The following PUS7 variants were observed in gnomAD, a reference collection of about 807,000 sequenced individuals.
PUS7 encodes pseudouridine synthase 7.
PUS7 carries 48 observed loss-of-function variants against 79.8 expected under a neutral mutation model. The ratio of observed to expected loss-of-function variants is 0.60; its 90% CI spans 0.48 to 0.76. The LOEUF is 0.76. PUS7 is among the 30% of genes least tolerant of loss of function. The pLI is 0.00. For missense variants in PUS7, 729 were observed against 797.6 expected (o/e 0.91, Z 1.04); for synonymous variants, 286 against 272.2 (o/e 1.05, Z -0.50).
chr7:105,505,200 G>C (rs1278071972), intron 4 of PUS7, among the ~76,000 whole-genome samples: 2 of 151,776 alleles, frequency 1.3e-5, no homozygotes, highest in East Asian at 1.9e-4. Flanking sequence ...ACGGGATTTC[G>C]CCATGTTGGC....
chr7:105,495,063 C>T (rs1824953481), intron 6 of PUS7, 79 bp downstream of exon 6: 5 of 765,280 alleles, frequency 6.5e-6, no homozygotes, highest in Non-Finnish European at 1.1e-5. Flanking sequence ...TCCTCCTGCT[C>T]CTTTTTCCAT....
chr7:105,506,145 T>TC (rs1238034148), intron 3 of PUS7, 44 bp downstream of exon 3: 33 of 1,134,740 alleles, frequency 2.9e-5, no homozygotes, highest in Non-Finnish European at 3.8e-5. Flanking sequence ...TAGGAAATGC[T>TC]ATTTTTATAC....
At chr7:105,471,077 T>C (rs1823855969) in intron 10 of PUS7, among the ~76,000 whole-genome samples, 2 of 152,226 alleles carry the variant, frequency 1.3e-5, no homozygotes, top group South Asian at 4.1e-4. Context: ...GTAAAAGCTA[T>C]TTAACTGTTC....
chr7:105,466,525 T>C (rs1823649517), intron 12 of PUS7, among the ~76,000 whole-genome samples: 1 of 152,052 alleles, frequency 6.6e-6, no homozygotes, highest in Non-Finnish European at 1.5e-5. Context: ...AGTACTGGGA[T>C]TACGGGTGTG....
chr7:105,468,310 G>C (rs1284754137), intron 12 of PUS7, 27 bp downstream of exon 12: 1 of 1,603,822 alleles, frequency 6.2e-7, no homozygotes, highest in Non-Finnish European at 8.5e-7. Context: ...TAGCTTAGCT[G>C]AGTAACAAAG....
chr7:105,513,600 G>A lies in PUS7; in HGVS notation c.-32-5056C>T, dbSNP rs568939861. On this transcript the variant is annotated intron_variant, in intron 1 of 15. Coordinates refer to ENST00000469408, the MANE Select transcript of PUS7 (RefSeq NM_019042.5). ...TTTGGGAGGCCAAGGCAGGTGGATC[G>A]CCAAGGCAGGCCGGATCACGAAGTC... is the stretch of plus-strand genomic sequence containing the variant. 2.0e-3 allele frequency among the ~76,000 whole-genome samples: 296 copies of A among 146,960 alleles called. 1 individual carries two copies. The highest frequency in any genetic ancestry group is 6.8e-3 in the African/African-American group (281 of 41,098).
intron 4 of PUS7, among the ~76,000 whole-genome samples, chr7:105,503,845 C>T (rs1008251886): frequency 6.6e-6 from 1 of 152,144 alleles, no homozygotes; most frequent in African/African-American, 2.4e-5. Flanking sequence ...GTTGCCCAGG[C>T]TGGTCTCGAT....
intron 4 of PUS7, among the ~76,000 whole-genome samples, chr7:105,502,994 C>T (rs1376266236): frequency 6.6e-6 from 1 of 152,206 alleles, no homozygotes; most frequent in Non-Finnish European, 1.5e-5. Context: ...GCCACCGTGC[C>T]CAGTCTCAAA....
intron 9 of PUS7, among the ~76,000 whole-genome samples, chr7:105,473,245 G>A (rs897737706): frequency 6.6e-6 from 1 of 151,854 alleles, no homozygotes; most frequent in Non-Finnish European, 1.5e-5. Context: ...AAGGTTATAT[G>A]CTTTTTAAAA....
chr7:105,507,234 CAG>C (rs920608790), intron 2 of PUS7, among the ~76,000 whole-genome samples: 20 of 151,940 alleles, frequency 1.3e-4, no homozygotes, highest in African/African-American at 4.6e-4. Context: ...TTAGTAGAGA[CAG>C]GGTTTCGCCA....
At chr7:105,474,729 C>T (rs181034888) in intron 9 of PUS7, among the ~76,000 whole-genome samples, 34 of 152,024 alleles carry the variant, frequency 2.2e-4, no homozygotes, top group Middle Eastern at 3.4e-3. Flanking sequence ...TGCAGTGAGC[C>T]GAGATGGTGC....
rs1823230115 is a variant in PUS7 at position 105,457,365 on chromosome 7, A to T, written c.*425T>A. On this transcript the variant is annotated 3_prime_UTR_variant, in exon 16 of 16. Transcript: ENST00000469408. ...TTATATTTGTGGGTGGCAGCTCTCAAATTATTTATCCATAGTCCAGATTTG... is the reference window on the plus strand; with the variant it reads ...TTATATTTGTGGGTGGCAGCTCTCATATTATTTATCCATAGTCCAGATTTG... 6.5e-6 allele frequency: 1 copy of T among 152,762 alleles called. No homozygotes were observed. Among genetic ancestry groups the T allele is most frequent in the South Asian group, 2.1e-4 (1 of 4,836 alleles). The allele number at this position is 152,762 out of a possible 1,614,324, so 9.5% of individuals were successfully genotyped here.
intron 5 of PUS7, among the ~76,000 whole-genome samples, chr7:105,496,252 GA>G (rs1825028686): frequency 3.6e-5 from 1 of 27,486 alleles, no homozygotes; most frequent in African/African-American, 1.8e-4. Context: ...GAGAGAGAGA[GA>G]GGGAGAGACA....
At chr7:105,483,584 A>G (rs1824420375) in intron 7 of PUS7, among the ~76,000 whole-genome samples, 2 of 151,680 alleles carry the variant, frequency 1.3e-5, no homozygotes, top group Admixed American at 6.6e-5. Context: ...CAGGCGTGAG[A>G]TAAGTTCAAG....
intron 11 of PUS7, among the ~76,000 whole-genome samples, chr7:105,469,180 C>T (rs189954324): frequency 3.9e-5 from 6 of 152,186 alleles, no homozygotes; most frequent in Admixed American, 6.5e-5. Context: ...GCTGGGATTA[C>T]AGGCCTGAGC....
At chr7:105,475,342 C>T (rs367744905) in intron 9 of PUS7, among the ~76,000 whole-genome samples, 61 of 152,114 alleles carry the variant, frequency 4.0e-4, no homozygotes, top group Admixed American at 4.6e-4. Flanking sequence ...CGCGCCACCA[C>T]GCCTGGCTAA....
rs1411919182 is a variant in PUS7 at position 105,457,176 on chromosome 7, T to C, written c.*614A>G. Reference sequence around the variant, plus strand: ...TAAAAAAATAAAATGGGCCTATCAATGCAACGTTCCTGCAAGGCATTGATA... The same window carrying C: ...TAAAAAAATAAAATGGGCCTATCAACGCAACGTTCCTGCAAGGCATTGATA... On this transcript the variant is annotated 3_prime_UTR_variant, in exon 16 of 16. Transcript: ENST00000469408. 6.6e-6 allele frequency: 1 copy of C among 152,086 alleles called. No individual in the cohort carries two copies. The highest frequency in any genetic ancestry group is 2.4e-5 in the African/African-American group (1 of 41,432). 9.4% of individuals were successfully genotyped at this position (152,086 alleles called of 1,614,324 possible). A position where few individuals can be genotyped will look rare whatever the true frequency, so the allele number is the denominator to read the frequency against.
chr7:105,477,499 C>T (rs774522349), intron 9 of PUS7, among the ~76,000 whole-genome samples: 1 of 152,136 alleles, frequency 6.6e-6, no homozygotes, highest in Non-Finnish European at 1.5e-5. Flanking sequence ...ATCCGCCACC[C>T]ACCTCGGCCT....
chr7:105,487,865 T>C (rs919764307), intron 7 of PUS7, among the ~76,000 whole-genome samples: 2 of 152,172 alleles, frequency 1.3e-5, no homozygotes, highest in Non-Finnish European at 2.9e-5. Context: ...TAGGTGGCTT[T>C]AGAGTTTCAT....
Sources: gnomAD v4.1 joint callset for allele counts (sites outside exome capture counted in the v4.1 genomes callset) on GRCh38, gnomAD v4.1.1 for gene constraint, MANE v1.5 for transcripts, NCBI Gene and HGNC (gene_info 2026-07-23, HGNC 2026-07-21) for gene names.